Variants in MIF4GD observed in about 807,000 individuals in gnomAD.
The protein encoded by MIF4GD is MIF4G domain containing, also known as MIF4G domain-containing protein.
MIF4GD carries 22 observed loss-of-function variants against 26.7 expected under a neutral mutation model. The ratio of observed to expected loss-of-function variants is 0.82; its 90% CI spans 0.59 to 1.18. The LOEUF (loss-of-function observed/expected upper bound fraction) is 1.18. Among genes scored for constraint, MIF4GD ranks in the 50% most tolerant of loss-of-function variants. The pLI is 0.00. For missense variants in MIF4GD, 262 were observed against 279.6 expected, an observed-to-expected ratio of 0.94 and a Z score of 0.45; for synonymous variants, 137 against 111.6, an observed-to-expected ratio of 1.23 and a Z score of -1.43.
In MIF4GD at chr17:75,270,728, C is replaced by T. The variant is rs1167283070; in HGVS notation, c.-51+416G>A. Reference sequence around the variant, plus strand: ...TTCGCCGAGTCCTTCGGTCTCAACACCCGCCGCTGCATCCCCCGGATGGGG... The same window carrying T: ...TTCGCCGAGTCCTTCGGTCTCAACATCCGCCGCTGCATCCCCCGGATGGGG... On this transcript the variant is annotated intron_variant, in intron 1 of 5. Coordinates refer to ENST00000325102, the MANE Select transcript of MIF4GD (RefSeq NM_001370592.1). This position sits in a 1 kb window ranked among gnomAD's most constrained non-coding sequence, Gnocchi z 5.7. The T allele has an allele frequency of 1.3e-5, 2 of 155,850 alleles. No individual in the cohort carries two copies. The highest frequency in any genetic ancestry group is 4.8e-5 in the African/African-American group (2 of 41,500). 9.7% of individuals were successfully genotyped at this position (155,850 alleles called of 1,614,324 possible).
In MIF4GD at chr17:75,270,271, G is replaced by A; in HGVS notation, c.-50-26C>T. The stretch of plus-strand genomic sequence containing the variant: ...CTGAGGAGAAGAGGCGAAGGGAGCG[G>A]CCTCAGGTGTGGAGCGCAGGGCGGG... On this transcript the variant is annotated intron_variant, in intron 1 of 5. Coordinates refer to ENST00000325102, the MANE Select transcript of MIF4GD (RefSeq NM_001370592.1). This position sits in a 1 kb window ranked among gnomAD's most constrained non-coding sequence, Gnocchi z 5.7. 1 of 1,353,518 alleles carries A rather than the reference G, an allele frequency of 7.4e-7. No homozygotes were observed. 83.8% of individuals were successfully genotyped at this position (1,353,518 alleles called of 1,614,324 possible).
chr17:75,270,000 G>C, intron 2 of MIF4GD, 114 bp downstream of exon 2: 1 of 845,824 alleles, frequency 1.2e-6, no homozygotes, highest in Non-Finnish European at 1.9e-6. Context: ...GACTCCTATC[G>C]TCAGAGAATG....
chr17:75,269,751 T>TC (rs978786656), intron 2 of MIF4GD, among the ~76,000 whole-genome samples: 2 of 141,648 alleles, frequency 1.4e-5, no homozygotes, highest in African/African-American at 5.1e-5. Flanking sequence ...CTTTTTTTTT[T>TC]TTTTTTTGTA....
rs568986895 is a variant in MIF4GD at position 75,270,048 on chromosome 17, G to A, written c.82+66C>T. On this transcript the variant is annotated intron_variant, in intron 2 of 5. Coordinates refer to ENST00000325102, the MANE Select transcript of MIF4GD (RefSeq NM_001370592.1). The surrounding 1 kb of genome is among the most constrained non-coding windows in gnomAD (Gnocchi z 5.7). ...GAGGCATTCACCAGGCTCAGCCTCT[G>A]GTGCTGCCCACAGGGGCCCTTCTCT... 7.1e-7 allele frequency: 1 copy of A among 1,406,820 alleles called. No homozygotes were observed. The highest frequency in any genetic ancestry group is 1.4e-5 in the African/African-American group (1 of 70,436). The allele number at this position is 1,406,820 out of a possible 1,614,324, so 87.1% of individuals were successfully genotyped here. A position where few individuals can be genotyped will look rare whatever the true frequency, so the allele number is the denominator to read the frequency against.
chr17:75,267,314 G>T, intron 5 of MIF4GD: 1 of 606,024 alleles, frequency 1.7e-6, no homozygotes, highest in South Asian at 2.0e-5. Context: ...CTTTCTGACT[G>T]AGAAGGAAGC....
intron 2 of MIF4GD, among the ~76,000 whole-genome samples, chr17:75,269,741 CT>C (rs1207377348): frequency 0.032 from 3,468 of 107,520 alleles, 183 homozygotes; most frequent in African/African-American, 0.12. Flanking sequence ...TCTTTTCTTT[CT>C]TTTTTTTTTT....
chr17:75,267,473 C>G (rs2077535884), intron 5 of MIF4GD, 65 bp downstream of exon 5: 2 of 1,526,766 alleles, frequency 1.3e-6, no homozygotes, highest in East Asian at 2.3e-5. Flanking sequence ...TGGGCTGACA[C>G]ACGGCTGAGC....
chr17:75,267,019 TCA>T, intron 5 of MIF4GD, 52 bp from the exon 6 acceptor site: 2 of 1,514,982 alleles, frequency 1.3e-6, no homozygotes, highest in South Asian at 1.2e-5. Flanking sequence ...TGCCAGCCTC[TCA>T]CACAGCATTT....
At position 75,268,111 on chromosome 17, in the gene MIF4GD, G is replaced by C; in HGVS notation, c.164C>G (p.Ala55Gly). Reference protein sequence around the residue: ...SLQDCVFSKEAGRMCYAIIQA... With the variant: ...SLQDCVFSKEGGRMCYAIIQA... Reference sequence around the variant, plus strand: ...AATGATGGCGTAGCACATGCGTCCTGCTTCCTTGCTGAACACACAGTCCTG... The same window carrying C: ...AATGATGGCGTAGCACATGCGTCCTCCTTCCTTGCTGAACACACAGTCCTG... The change falls in exon 3 of 6, where the codon GCA (alanine) becomes GGA (glycine). Residue 55 changes from alanine to glycine, a missense_variant. Coordinates refer to ENST00000325102, the MANE Select transcript of MIF4GD (RefSeq NM_001370592.1). 6.2e-7 allele frequency: 1 copy of C among 1,614,190 alleles called. No homozygotes were observed. Among genetic ancestry groups the C allele is most frequent in the Non-Finnish European group, 8.5e-7 (1 of 1,180,012 alleles).
chr17:75,267,336 T>C (rs1210557685), intron 5 of MIF4GD: 2 of 611,444 alleles, frequency 3.3e-6, no homozygotes, highest in Non-Finnish European at 5.8e-6. Flanking sequence ...ACTGAGCCAG[T>C]AGGTTTTGGC....
At chr17:75,269,275 G>A in intron 2 of MIF4GD, 2 of 1,565,308 alleles carry the variant, frequency 1.3e-6, no homozygotes, top group Non-Finnish European at 1.7e-6. Flanking sequence ...ACAAGAGAGG[G>A]CCACATAGGG....
At chr17:75,267,724 A>G (rs1434136790) in intron 4 of MIF4GD, 22 bp downstream of exon 4, 3 of 1,612,244 alleles carry the variant, frequency 1.9e-6, no homozygotes, top group Admixed American at 1.7e-5. Flanking sequence ...TCTGCCTCCC[A>G]GGGTGGCTGC....
rs558088482 is a variant in MIF4GD at position 75,269,350 on chromosome 17, T to C, written c.82+764A>G. Reference sequence around the variant, plus strand: ...TAATTATTAGTTGAAGACAAACCTCTGTACTGCGTGTTACAGCGGGAAGGC... The same window carrying C: ...TAATTATTAGTTGAAGACAAACCTCCGTACTGCGTGTTACAGCGGGAAGGC... On this transcript the variant is annotated intron_variant, in intron 2 of 5. Coordinates refer to ENST00000325102, the MANE Select transcript of MIF4GD (RefSeq NM_001370592.1). 7 of 1,613,932 alleles carry C rather than the reference T, an allele frequency of 4.3e-6. No homozygotes were observed. The East Asian group carries it at 1.6e-4, about 36-fold the overall frequency.
Position 75,266,689 on chromosome 17 carries a change from A to T in MIF4GD, c.*51T>A. On this transcript the variant is annotated 3_prime_UTR_variant, in exon 6 of 6. Coordinates refer to ENST00000325102, the MANE Select transcript of MIF4GD (RefSeq NM_001370592.1). ...GCAGAGACTCCACTGCCAGCTTTAG[A>T]GGTGGGTAGAAGAAAGGCCAGTGCT... The T allele has an allele frequency of 6.5e-7, 1 of 1,549,810 alleles. No homozygotes were observed. The highest frequency in any genetic ancestry group is 8.9e-7 in the Non-Finnish European group (1 of 1,121,680).
chr17:75,270,017 G>A lies in MIF4GD; in HGVS notation c.82+97C>T. ...CTCCTATCGTCAGAGAATGAGGGGA[G>A]GGGTGGAGGCATTCACCAGGCTCAG... On this transcript the variant is annotated intron_variant, in intron 2 of 5. Transcript: ENST00000325102. This position sits in a 1 kb window ranked among gnomAD's most constrained non-coding sequence, Gnocchi z 5.7. The A allele has an allele frequency of 1.0e-6, 1 of 969,868 alleles. No homozygotes were observed. The highest frequency in any genetic ancestry group is 1.6e-6 in the Non-Finnish European group (1 of 613,826). 60.1% of individuals were successfully genotyped at this position (969,868 alleles called of 1,614,324 possible).
chr17:75,266,667 G>A lies in MIF4GD; in HGVS notation c.*73C>T. ...AAGGGAAAAGTCTTTGGGTGAGGCAGAGACTCCACTGCCAGCTTTAGAGGT... is the reference window on the plus strand; with the variant it reads ...AAGGGAAAAGTCTTTGGGTGAGGCAAAGACTCCACTGCCAGCTTTAGAGGT... On this transcript the variant is annotated 3_prime_UTR_variant, in exon 6 of 6. Coordinates refer to ENST00000325102, the MANE Select transcript of MIF4GD (RefSeq NM_001370592.1). 2.8e-6 allele frequency: 4 copies of A among 1,405,150 alleles called. No individual in the cohort carries two copies. Among genetic ancestry groups the A allele is most frequent in the Middle Eastern group, 3.5e-4 (2 of 5,674 alleles). The allele number at this position is 1,405,150 out of a possible 1,614,324, so 87.0% of individuals were successfully genotyped here.
chr17:75,267,296 T>C (rs2077526327), intron 5 of MIF4GD, among the ~76,000 whole-genome samples: 2 of 152,234 alleles, frequency 1.3e-5, no homozygotes, highest in Non-Finnish European at 2.9e-5. Context: ...GCTGCCATCA[T>C]ACGTTGGCTT....
At position 75,270,173 on chromosome 17, in the gene MIF4GD, T is replaced by G; in HGVS notation, c.23A>C (p.Glu8Ala). Residue 8 changes from glutamate to alanine, a missense_variant, in exon 2 of 6, where the codon GAG becomes GCG. Glu to Ala is a moderately radical substitution (Grantham distance 107, BLOSUM62 -1). Coordinates refer to ENST00000325102, the MANE Select transcript of MIF4GD (RefSeq NM_001370592.1). The surrounding 1 kb of genome is among the most constrained non-coding windows in gnomAD (Gnocchi z 5.7). The stretch of plus-strand genomic sequence containing the variant: ...TGCATCAAAGGACTGGATTTTATAC[T>G]CCTCTCTACTGGGCTCCCCCATGAC... The part of the protein sequence containing the change: MGEPSRE[E>A]YKIQSFDAET... The G allele has an allele frequency of 6.2e-7, 1 of 1,614,050 alleles. No individual in the cohort carries two copies. The highest frequency in any genetic ancestry group is 8.5e-7 in the Non-Finnish European group (1 of 1,179,952).
Position 75,267,534 on chromosome 17 carries a change from C to T in MIF4GD, c.441+4G>A, listed in dbSNP as rs2077539419. Reference sequence around the variant, plus strand: ...GTGCTTGTGCCAGGGCTGGGGCCACCCACCTCCTCCTCCTTGCTCAAACTG... The same window carrying T: ...GTGCTTGTGCCAGGGCTGGGGCCACTCACCTCCTCCTCCTTGCTCAAACTG... On this transcript the variant is annotated splice_donor_region_variant and intron_variant, in intron 5 of 5. Transcript: ENST00000325102. The T allele has an allele frequency of 6.2e-7, 1 of 1,614,052 alleles. No individual in the cohort carries two copies. The highest frequency in any genetic ancestry group is 8.5e-7 in the Non-Finnish European group (1 of 1,179,976).
Sources: gnomAD v4.1 joint callset for allele counts (sites outside exome capture counted in the v4.1 genomes callset) on GRCh38, gnomAD v4.1.1 for gene constraint, Gnocchi (gnomAD v3.1) non-coding constraint, MANE v1.5 for transcripts, NCBI Gene and HGNC (gene_info 2026-07-23, HGNC 2026-07-21) for gene names.